Variants in ZBTB20 observed in about 807,000 individuals in gnomAD.
ZBTB20 encodes zinc finger and BTB domain containing 20.
A neutral mutation model predicts 56.9 loss-of-function variants in ZBTB20; 9 were observed. The ratio of observed to expected loss-of-function variants is 0.16; its 90% confidence interval spans 0.10 to 0.28. ZBTB20 has a LOEUF of 0.28. Ranked by LOEUF, ZBTB20 falls within the 10% of genes least tolerant of loss-of-function variation. The probability of loss-of-function intolerance (pLI) is 1.00; values close to 1 mark genes in which losing one functional copy is unlikely to be tolerated. For synonymous variants in ZBTB20, 417 were observed against 420.7 expected, an observed-to-expected ratio of 0.99 and a Z score of 0.11; for missense variants, 655 against 1,003.0, an observed-to-expected ratio of 0.65 and a Z score of 4.69.
Position 114,351,707 on chromosome 3 carries a change from G to A in ZBTB20, c.371C>T (p.Ala124Val). 1 of 1,614,028 alleles carries A rather than the reference G, an allele frequency of 6.2e-7. No homozygotes were observed. Among genetic ancestry groups the A allele is most frequent in the Non-Finnish European group, 8.5e-7 (1 of 1,180,020 alleles). The change falls in exon 11 of 12, where the codon GCC (alanine) becomes GTC (valine). Residue 124 changes from alanine to valine, a missense_variant. By Grantham distance (64) the Ala-to-Val change is moderately conservative. Coordinates refer to ENST00000675478, the MANE Select transcript of ZBTB20 (RefSeq NM_001348800.3). The stretch of plus-strand genomic sequence containing the variant: ...TTTGTCCTGGAAGAAGGGGCTGCCG[G>A]CTGCCAGCACGCAGCGGTGTGCGCG... ...MLRAHRCVLA[A>V]GSPFFQDKLL...
chr3:114,535,670 C>T (rs1160070788), intron 6 of ZBTB20, among the ~76,000 whole-genome samples: 2 of 152,258 alleles, frequency 1.3e-5, no homozygotes, highest in East Asian at 3.9e-4. Context: ...ATACCAAAAC[C>T]TGGCAGAGTC....
chr3:114,546,697 T>C (rs2049928999), intron 6 of ZBTB20, among the ~76,000 whole-genome samples: 1 of 151,974 alleles, frequency 6.6e-6, no homozygotes, highest in African/African-American at 2.4e-5. Context: ...ATTAAGGAGA[T>C]GCCCTCCACT....
chr3:114,714,021 GA>G (rs1306022800), intron 5 of ZBTB20: 2 of 152,524 alleles, frequency 1.3e-5, no homozygotes, highest in Non-Finnish European at 2.9e-5. Context: ...TTTCCCTAAA[GA>G]ATCAGATGCA....
At chr3:114,968,126 T>C (rs997979122) in intron 3 of ZBTB20, among the ~76,000 whole-genome samples, 1 of 152,126 alleles carries the variant, frequency 6.6e-6, no homozygotes, top group African/African-American at 2.4e-5. Flanking sequence ...CTATTTAGTA[T>C]ATTTGAATGT....
chr3:114,555,052 G>A (rs2051031952), intron 6 of ZBTB20, among the ~76,000 whole-genome samples: 2 of 152,150 alleles, frequency 1.3e-5, no homozygotes. Flanking sequence ...GAGAAGTGCA[G>A]ACAAAGGGAA....
At chr3:114,462,918 C>T (rs764087937) in intron 7 of ZBTB20, among the ~76,000 whole-genome samples, 2 of 152,168 alleles carry the variant, frequency 1.3e-5, no homozygotes, top group Non-Finnish European at 2.9e-5. Context: ...CCTGAGGACT[C>T]GTCCTTCCTC....
At chr3:115,064,625 AT>A (rs2082140301) in intron 2 of ZBTB20, among the ~76,000 whole-genome samples, 1 of 151,268 alleles carries the variant, frequency 6.6e-6, no homozygotes, top group Non-Finnish European at 1.5e-5. Context: ...CTAGTTTTAA[AT>A]TTTTTAGAGA....
At chr3:114,877,513 A>C (rs1374202112) in intron 4 of ZBTB20, among the ~76,000 whole-genome samples, 1 of 152,210 alleles carries the variant, frequency 6.6e-6, no homozygotes, top group Non-Finnish European at 1.5e-5. Flanking sequence ...CAATTCATTT[A>C]ATTCAAGAAG....
At chr3:114,670,280 T>C (rs754789720) in intron 6 of ZBTB20, among the ~76,000 whole-genome samples, 3 of 152,012 alleles carry the variant, frequency 2.0e-5, no homozygotes, top group Admixed American at 6.6e-5. Context: ...TTCTTTACAC[T>C]TAGAACCCCA....
At chr3:115,113,997 T>C (rs1161884017) in intron 1 of ZBTB20, among the ~76,000 whole-genome samples, 3 of 152,158 alleles carry the variant, frequency 2.0e-5, no homozygotes, top group African/African-American at 4.8e-5. Flanking sequence ...TGCATAATTA[T>C]TTATAATATA....
intron 7 of ZBTB20, among the ~76,000 whole-genome samples, chr3:114,464,870 ACTACAATAACAGGACT>A (rs1479943284): frequency 6.6e-6 from 1 of 152,106 alleles, no homozygotes; most frequent in African/African-American, 2.4e-5. Flanking sequence ...ACATCACAGC[ACTACAATAACAGGACT>A]AAATGCAAGA....
intron 6 of ZBTB20, among the ~76,000 whole-genome samples, chr3:114,575,156 T>C (rs2053873391): frequency 6.6e-6 from 1 of 152,208 alleles, no homozygotes; most frequent in South Asian, 2.1e-4. Context: ...TTAGTGACTT[T>C]TAGATAGAGA....
chr3:114,922,239 A>G (rs945105281), intron 3 of ZBTB20, among the ~76,000 whole-genome samples: 1 of 152,196 alleles, frequency 6.6e-6, no homozygotes, highest in Admixed American at 6.5e-5. Context: ...CAGTGGTGAA[A>G]AGCTGAAAGC....
chr3:114,534,200 G>T (rs1372907518), intron 6 of ZBTB20, among the ~76,000 whole-genome samples: 2 of 152,046 alleles, frequency 1.3e-5, no homozygotes, highest in Admixed American at 1.3e-4. Flanking sequence ...TGGAAAATTG[G>T]ATAGAGTCAA....
At chr3:114,373,302 A>G (rs1017676150) in intron 10 of ZBTB20, among the ~76,000 whole-genome samples, 1 of 152,182 alleles carries the variant, frequency 6.6e-6, no homozygotes, top group African/African-American at 2.4e-5. Context: ...TTGCTTTATT[A>G]TATATTTGGA....
intron 5 of ZBTB20, among the ~76,000 whole-genome samples, chr3:114,702,580 G>T (rs1235407515): frequency 6.6e-6 from 1 of 151,910 alleles, no homozygotes; most frequent in Admixed American, 6.6e-5. Context: ...AAGAAAAGAG[G>T]AGTATGTGTA....
At chr3:114,826,118 T>A (rs1431259310) in intron 4 of ZBTB20, among the ~76,000 whole-genome samples, 1 of 151,666 alleles carries the variant, frequency 6.6e-6, no homozygotes, top group Non-Finnish European at 1.5e-5. Context: ...ATATCAACAA[T>A]AATATGAATG....
intron 2 of ZBTB20, among the ~76,000 whole-genome samples, chr3:115,014,924 T>G (rs935200253): frequency 6.6e-6 from 1 of 151,846 alleles, no homozygotes; most frequent in African/African-American, 2.4e-5. Context: ...CATAAACTTA[T>G]AAAGTGGCTG....
intron 5 of ZBTB20, among the ~76,000 whole-genome samples, chr3:114,709,746 G>C (rs1156766850): frequency 1.3e-5 from 2 of 152,062 alleles, no homozygotes; most frequent in African/African-American, 2.4e-5. Context: ...AGAACCAATG[G>C]GCTACTGGGG....
Sources: gnomAD v4.1 joint callset for allele counts (sites outside exome capture counted in the v4.1 genomes callset) on GRCh38, gnomAD v4.1.1 for gene constraint, MANE v1.5 for transcripts, NCBI Gene and HGNC (gene_info 2026-07-23, HGNC 2026-07-21) for gene names.